ARL10: variants seen among roughly 807,000 people sequenced by gnomAD.
ARL10 encodes ARF like GTPase 10, also known as ADP-ribosylation factor-like protein 10.
ARL10 carries 23 observed loss-of-function variants against 26.1 expected under a neutral mutation model. That is an observed-to-expected ratio of 0.88 (90% confidence interval 0.63 to 1.25). ARL10 has a LOEUF of 1.25. Ranked by LOEUF, ARL10 falls within the 50% of genes most tolerant of loss-of-function variation. ARL10 has a pLI of 0.00. For missense variants in ARL10, 300 were observed against 323.6 expected (o/e 0.93, Z 0.56); for synonymous variants, 138 against 149.1 (o/e 0.93, Z 0.54).
rs562612885 is a variant in ARL10 at position 176,375,556 on chromosome 5, C to G, written c.*3661C>G. On this transcript the variant is annotated 3_prime_UTR_variant, in exon 4 of 4. Coordinates refer to ENST00000310389, the MANE Select transcript of ARL10 (RefSeq NM_173664.6). ...GTTGGTATTCATTTTAGTCTTTGAC[C>G]TCTGATTATGGGGACTTTCAGGGAA... The G allele has an allele frequency of 2.0e-5, 3 of 152,218 alleles. No homozygotes were observed. The South Asian group carries it at 6.2e-4, about 32-fold the overall frequency. 9.4% of individuals were successfully genotyped at this position (152,218 alleles called of 1,614,324 possible).
chr5:176,388,231 G>T, intron 1 of ARL10: 1 of 1,603,620 alleles, frequency 6.2e-7, no homozygotes, highest in Non-Finnish European at 8.5e-7. Flanking sequence ...TGCCATGTCA[G>T]TACCTTTCTC....
At chr5:176,405,277 C>G (rs1757044958), downstream of ARL10, among the ~76,000 whole-genome samples, 1 of 151,916 alleles carries the variant, frequency 6.6e-6, no homozygotes. Context: ...CTGCTTGAGC[C>G]CAGGAGCTCG....
rs150471283 is a variant in ARL10, at chr5:176,371,244, T to C, written c.562-478T>C. 7.4e-5 allele frequency among the ~76,000 whole-genome samples: 11 copies of C among 149,514 alleles called. 1 individual carries two copies. The South Asian group carries it at 1.0e-3, about 14-fold the overall frequency. On this transcript the variant is annotated intron_variant, in intron 3 of 3. Coordinates refer to ENST00000310389, the MANE Select transcript of ARL10 (RefSeq NM_173664.6). ...ACAAAAATTAGCCAGGCGTGGTGGC[T>C]CACACCTGTAGTCCCAGCTACTAGG...
Position 176,374,203 on chromosome 5 carries a change from C to G in ARL10, c.*2308C>G, listed in dbSNP as rs1245650760. ...GTTGTTTACACGTTAAGTTACAATT[C>G]ACTGTGTACAGAGGCAGCTTTAGGC... On this transcript the variant is annotated 3_prime_UTR_variant, in exon 4 of 4. Transcript: ENST00000310389. The G allele has an allele frequency of 1.3e-5, 2 of 152,196 alleles. No individual in the cohort carries two copies. The highest frequency in any genetic ancestry group is 2.9e-5 in the Non-Finnish European group (2 of 68,032). The allele number at this position is 152,196 out of a possible 1,614,324, so 9.4% of individuals were successfully genotyped here. A position where few individuals can be genotyped will look rare whatever the true frequency, so the allele number is the denominator to read the frequency against.
the ARL10 span, among the ~76,000 whole-genome samples, chr5:176,412,376 C>T: frequency 3.0e-4 from 46 of 152,182 alleles, no homozygotes; most frequent in Non-Finnish European, 1.5e-5. Context: ...CCCCAGGGTC[C>T]GTGTGTACCC....
At chr5:176,393,016 C>T, downstream of ARL10, 1 of 1,545,416 alleles carries the variant, frequency 6.5e-7, no homozygotes, top group Non-Finnish European at 8.9e-7. This position sits in a 1 kb window ranked among gnomAD's most constrained non-coding sequence, Gnocchi z 4.4. Flanking sequence ...AGCAAGGCTG[C>T]TTTGCCCAGC....
chr5:176,386,384 A>G (rs537409249), downstream of ARL10: 3 of 225,116 alleles, frequency 1.3e-5, no homozygotes, highest in East Asian at 1.0e-4. Context: ...GGGAAGGATG[A>G]ATGAAGAATT....
rs567373341 is a variant in ARL10, at chr5:176,394,614, A to G, written c.134-7127A>G. 2.0e-5 allele frequency among the ~76,000 whole-genome samples: 3 copies of G among 151,570 alleles called. No homozygotes were observed. The East Asian group carries it at 5.8e-4, about 29-fold the overall frequency. Reference sequence around the variant, plus strand: ...GGGCGGATCACGAGGTCAGATGGAGAGCATCCTGGCTAACACGGTGAAACC... The same window carrying G: ...GGGCGGATCACGAGGTCAGATGGAGGGCATCCTGGCTAACACGGTGAAACC... On this transcript the variant is annotated intron_variant, in intron 1 of 1. Coordinates refer to the ARL10 transcript ENST00000514533.
intron 1 of ARL10, chr5:176,397,836 T>TA: frequency 6.8e-7 from 1 of 1,462,494 alleles, no homozygotes; most frequent in East Asian, 2.3e-5. Context: ...AGTCCCACAT[T>TA]AAGGCATGCA....
chr5:176,397,339 C>T (rs1344624488), intron 1 of ARL10, among the ~76,000 whole-genome samples: 4 of 148,792 alleles, frequency 2.7e-5, no homozygotes, highest in Admixed American at 6.7e-5. Context: ...CTCTCATGTC[C>T]CCACAGCCCC....
In ARL10 at chr5:176,374,767, G is replaced by C. The variant is rs1768639269; in HGVS notation, c.*2872G>C. On this transcript the variant is annotated 3_prime_UTR_variant, in exon 4 of 4. Transcript: ENST00000310389. Reference sequence around the variant, plus strand: ...GGATACCCACTAAAAGAAACATGAAGATTAGAAAACCTTGAACAGCTAAGC... The same window carrying C: ...GGATACCCACTAAAAGAAACATGAACATTAGAAAACCTTGAACAGCTAAGC... 1 of 152,206 alleles carries C rather than the reference G, an allele frequency of 6.6e-6. No individual in the cohort carries two copies. The highest frequency in any genetic ancestry group is 1.5e-5 in the Non-Finnish European group (1 of 68,032). 9.4% of individuals were successfully genotyped at this position (152,206 alleles called of 1,614,324 possible).
downstream of ARL10, among the ~76,000 whole-genome samples, chr5:176,382,671 A>C (rs548994129): frequency 6.6e-6 from 1 of 152,228 alleles, no homozygotes; most frequent in African/African-American, 2.4e-5. Flanking sequence ...AGGGAGGATC[A>C]CTTGGGCCGG....
At chr5:176,388,383 G>A in exon 2 of ARL10, 1 of 1,612,572 alleles carries the variant, frequency 6.2e-7, no homozygotes, top group African/African-American at 1.3e-5. Flanking sequence ...GTCATCTCGC[G>A]GACCGTCCCG....
At position 176,368,911 on chromosome 5, in the gene ARL10, G is replaced by A; in HGVS notation, c.490G>A (p.Ala164Thr). 6.2e-7 allele frequency: 1 copy of A among 1,614,124 alleles called. No homozygotes were observed. The highest frequency in any genetic ancestry group is 8.5e-7 in the Non-Finnish European group (1 of 1,180,036). ...GGCTGACCGACTGCGGCTGCCCTGG[G>A]CCCGACAGGAGCTGCACAAGCTGCT... ...DSADRLRLPWARQELHKLLDK... is the reference protein window; with the variant it reads ...DSADRLRLPWTRQELHKLLDK... The change falls in exon 3 of 4, where the codon GCC (alanine) becomes ACC (threonine). Residue 164 changes from alanine (A) to threonine (T), a missense_variant. Transcript: ENST00000310389. This position sits in a 1 kb window ranked among gnomAD's most constrained non-coding sequence, Gnocchi z 4.1.
chr5:176,401,153 G>A (rs1756800689), intron 1 of ARL10, among the ~76,000 whole-genome samples: 1 of 152,226 alleles, frequency 6.6e-6, no homozygotes. Context: ...GCTCCTTTCT[G>A]GGAACAATGC....
chr5:176,389,672 C>A, downstream of ARL10: 2 of 596,946 alleles, frequency 3.4e-6, no homozygotes. Context: ...ATCCTAGATG[C>A]TGTTGTTTGA....
rs959518240 is a variant in ARL10, at chr5:176,376,701, G to A, written c.*4806G>A. Reference sequence around the variant, plus strand: ...CATGTCTAGGACGTGATCTGCTTCTGGGGAAAAACTTCCCTGGTTAGCTTT... The same window carrying A: ...CATGTCTAGGACGTGATCTGCTTCTAGGGAAAAACTTCCCTGGTTAGCTTT... On this transcript the variant is annotated 3_prime_UTR_variant, in exon 4 of 4. Coordinates refer to ENST00000310389, the MANE Select transcript of ARL10 (RefSeq NM_173664.6). 6.6e-6 allele frequency: 1 copy of A among 152,194 alleles called. No individual in the cohort carries two copies. Among genetic ancestry groups the A allele is most frequent in the Non-Finnish European group, 1.5e-5 (1 of 68,040 alleles). 9.4% of individuals were successfully genotyped at this position (152,194 alleles called of 1,614,324 possible).
intron 3 of ARL10, among the ~76,000 whole-genome samples, chr5:176,371,189 G>A (rs1164880792): frequency 5.9e-5 from 9 of 152,040 alleles, no homozygotes; most frequent in Non-Finnish European, 1.0e-4. Flanking sequence ...AGCCTGGCCA[G>A]CACGGCGAAA....
chr5:176,408,760 A>C, the ARL10 span, among the ~76,000 whole-genome samples: 1 of 152,192 alleles, frequency 6.6e-6, no homozygotes, highest in African/African-American at 2.4e-5. Flanking sequence ...GATTCACATG[A>C]TCTTCTCACT....
Sources: gnomAD v4.1 joint callset for allele counts (sites outside exome capture counted in the v4.1 genomes callset) on GRCh38, gnomAD v4.1.1 for gene constraint, Gnocchi (gnomAD v3.1) non-coding constraint, MANE v1.5 for transcripts, NCBI Gene and HGNC (gene_info 2026-07-23, HGNC 2026-07-21) for gene names.